Variants in DNAH6 observed in about 807,000 individuals in gnomAD.
The protein encoded by DNAH6 is axonemal beta dynein heavy chain 6.
A neutral mutation model predicts 491.4 loss-of-function variants in DNAH6; 340 were observed. The ratio of observed to expected loss-of-function variants is 0.69; its 90% CI spans 0.63 to 0.76. The LOEUF (loss-of-function observed/expected upper bound fraction) is 0.76, where lower values mean the gene tolerates loss of function less well. DNAH6 is among the 30% of genes least tolerant of loss of function. The pLI is 0.00. For synonymous variants in DNAH6, 1,603 were observed against 1,686.1 expected (o/e 0.95, Z 1.21); for missense variants, 4,443 against 4,972.2 (o/e 0.89, Z 3.20).
chr2:84,491,836 G>T, the DNAH6 span, among the ~76,000 whole-genome samples: 1 of 152,140 alleles, frequency 6.6e-6, no homozygotes, highest in South Asian at 2.1e-4. Flanking sequence ...TTAAGACAGA[G>T]GGTCTAAAAA....
intron 13 of DNAH6, among the ~76,000 whole-genome samples, chr2:84,577,691 A>G (rs1425931449): frequency 6.6e-6 from 1 of 152,130 alleles, no homozygotes; most frequent in Non-Finnish European, 1.5e-5. Flanking sequence ...CAGAGAGGAT[A>G]CTACCATAAC....
chr2:84,694,379 CG>C lies in DNAH6; in HGVS notation c.7427del (p.Gly2476AspfsTer11). 1 of 1,552,292 alleles carries C rather than the reference CG, an allele frequency of 6.4e-7. No homozygotes were observed. The highest frequency in any genetic ancestry group is 8.7e-7 in the Non-Finnish European group (1 of 1,147,120). On this transcript the variant is annotated frameshift_variant, in exon 46 of 77. Coordinates refer to ENST00000389394, the MANE Select transcript of DNAH6 (RefSeq NM_001370.2). LOFTEE classifies it high-confidence loss of function. ...CAAATGTTTGCAGATTGAACTCAGC[CG>C]GGGATATAATTATGATAGTTTTCAT... is the stretch of plus-strand genomic sequence containing the variant. ...GYKCLQIELS[R>X]GYNYDSFHED... is the part of the protein sequence containing the mutation.
chr2:84,745,304 A>C, intron 63 of DNAH6, 55 bp downstream of exon 63: 431 of 1,220,158 alleles, frequency 3.5e-4, no homozygotes, highest in Non-Finnish European at 4.3e-4. Context: ...ACTAAAGCTC[A>C]CTAGCCAGTT....
intron 4 of DNAH6, among the ~76,000 whole-genome samples, chr2:84,537,272 C>T (rs905089665): frequency 6.6e-6 from 1 of 151,966 alleles, no homozygotes; most frequent in African/African-American, 2.4e-5. Flanking sequence ...ATTATAAATA[C>T]CTTATGGGGA....
chr2:84,623,492 ATATT>A (rs1265922241), intron 26 of DNAH6, among the ~76,000 whole-genome samples: 1 of 152,174 alleles, frequency 6.6e-6, no homozygotes, highest in Non-Finnish European at 1.5e-5. Flanking sequence ...AACTTTATAT[ATATT>A]TATATGTAAA....
At chr2:84,493,812 AAGGGGTG>A in the DNAH6 span, among the ~76,000 whole-genome samples, 1 of 152,202 alleles carries the variant, frequency 6.6e-6, no homozygotes, top group Non-Finnish European at 1.5e-5. Context: ...AAGATGAGTA[AAGGGGTG>A]AGATGCTGAT....
At chr2:84,494,122 T>A in the DNAH6 span, among the ~76,000 whole-genome samples, 1 of 152,150 alleles carries the variant, frequency 6.6e-6, no homozygotes, top group Non-Finnish European at 1.5e-5. Context: ...TGAAAGGATG[T>A]GGTCCTAGGA....
chr2:84,653,736 T>C lies in DNAH6; in HGVS notation c.5496T>C (p.His1832=), dbSNP rs555415873. ...CTGTGAATGATACTTCAGAAGACCATAAATGGATCATCAGTGATGGGCCAG... is the reference window on the plus strand; with the variant it reads ...CTGTGAATGATACTTCAGAAGACCACAAATGGATCATCAGTGATGGGCCAG... ...RAAVNDTSED[H]KWIISDGPVD... The change falls in exon 34 of 77, where the codon CAT becomes CAC. Residue 1832 remains histidine, a synonymous_variant. Transcript: ENST00000389394. 1.9e-4 allele frequency: 287 copies of C among 1,551,342 alleles called. No individual in the cohort carries two copies. The South Asian group carries it at 3.3e-3, about 18-fold the overall frequency.
At chr2:84,464,874 T>C in the DNAH6 span, among the ~76,000 whole-genome samples, 14 of 152,284 alleles carry the variant, frequency 9.2e-5, no homozygotes, top group East Asian at 2.7e-3. Context: ...GCCTTAAGTG[T>C]CTGGGAATGC....
intron 37 of DNAH6, among the ~76,000 whole-genome samples, chr2:84,659,669 A>G (rs931176450): frequency 2.6e-5 from 4 of 152,132 alleles, no homozygotes; most frequent in African/African-American, 7.2e-5. Flanking sequence ...TTGATATTCA[A>G]AATGTTAACA....
chr2:84,651,049 T>A (rs973929195), intron 33 of DNAH6, among the ~76,000 whole-genome samples: 1 of 152,148 alleles, frequency 6.6e-6, no homozygotes, highest in Non-Finnish European at 1.5e-5. Context: ...GAGTTCCAGC[T>A]CCCTGGCAGT....
At chr2:84,598,163 C>CT (rs1318348230) in intron 18 of DNAH6, among the ~76,000 whole-genome samples, 3 of 70,588 alleles carry the variant, frequency 4.3e-5, no homozygotes, top group African/African-American at 7.1e-5. Context: ...TTCTTTCTTT[C>CT]TTTCTTTCTT....
intron 49 of DNAH6, among the ~76,000 whole-genome samples, chr2:84,701,958 T>C (rs1695947728): frequency 6.6e-6 from 1 of 152,220 alleles, no homozygotes; most frequent in Admixed American, 6.5e-5. Flanking sequence ...AATAATTATA[T>C]ATATTTTCCT....
At chr2:84,699,819 G>C (rs1204131358) in intron 48 of DNAH6, 85 bp downstream of exon 48, 19 of 1,344,360 alleles carry the variant, frequency 1.4e-5, no homozygotes, top group Non-Finnish European at 1.9e-5. Context: ...AGTAACTCAT[G>C]GGTACTTGTA....
intron 24 of DNAH6, among the ~76,000 whole-genome samples, chr2:84,620,876 G>A (rs1438874601): frequency 6.6e-6 from 1 of 152,186 alleles, no homozygotes; most frequent in African/African-American, 2.4e-5. Context: ...GAGGACATGG[G>A]AAAACTTGAG....
chr2:84,525,670 G>A lies in DNAH6; in HGVS notation c.331G>A (p.Ala111Thr). The A allele has an allele frequency of 1.3e-6, 2 of 1,550,058 alleles. No individual in the cohort carries two copies. Among genetic ancestry groups the A allele is most frequent in the East Asian group, 2.4e-5 (1 of 40,834 alleles). ...AGIIKRPVSI[A>T]KKSFATSSTQ... ...AATCATTAAACGTCCAGTAAGCATA[G>A]CAAAAAAAAGTTTTGCCACATCATC... Residue 111 changes from alanine to threonine, a missense_variant, in exon 3 of 77, where the codon GCA becomes ACA. Transcript: ENST00000389394.
At chr2:84,709,655 A>G in intron 55 of DNAH6, 109 bp downstream of exon 55, 2 of 1,194,138 alleles carry the variant, frequency 1.7e-6, no homozygotes, top group Non-Finnish European at 2.4e-6. Flanking sequence ...TAGATTTAAC[A>G]TACATGGAGA....
intron 63 of DNAH6, among the ~76,000 whole-genome samples, chr2:84,756,795 A>G (rs1215946505): frequency 6.6e-6 from 1 of 152,230 alleles, no homozygotes; most frequent in Non-Finnish European, 1.5e-5. Context: ...GCCTTTGGAA[A>G]TGCCAGATGG....
chr2:84,650,463 A>AT (rs1690346461), intron 33 of DNAH6, among the ~76,000 whole-genome samples: 1 of 142,292 alleles, frequency 7.0e-6, no homozygotes, highest in African/African-American at 2.6e-5. Flanking sequence ...TTGTTATTGT[A>AT]TTTTTTCAGT....
Sources: allele counts gnomAD v4.1 joint callset (sites outside exome capture counted in the v4.1 genomes callset), GRCh38; gene constraint gnomAD v4.1.1; transcripts MANE v1.5; gene names NCBI Gene and HGNC (gene_info 2026-07-23, HGNC 2026-07-21).